Variants in TBC1D2B observed in about 807,000 individuals in gnomAD.
TBC1D2B encodes TBC1 domain family member 2B, also known as TBC1 domain family, member 2B.
A neutral mutation model predicts 100.8 loss-of-function variants in TBC1D2B; 64 were observed. That is an observed-to-expected ratio of 0.64 (90% CI 0.52 to 0.78). TBC1D2B has a LOEUF of 0.78. Ranked by LOEUF, TBC1D2B falls within the 30% of genes least tolerant of loss-of-function variation. TBC1D2B has a pLI of 0.00. For missense variants in TBC1D2B, 1,052 were observed against 1,218.4 expected (o/e 0.86, Z 2.03); for synonymous variants, 480 against 479.7 (o/e 1.00, Z -0.01).
At chr15:78,015,108 G>A (rs2072335815) in intron 8 of TBC1D2B, among the ~76,000 whole-genome samples, 1 of 152,186 alleles carries the variant, frequency 6.6e-6, no homozygotes, top group Non-Finnish European at 1.5e-5. Context: ...GGCTGAGGCA[G>A]GAGAATGGCG....
rs981433624 is a variant in TBC1D2B, at chr15:78,025,645, G to C, written c.848-148C>G. 5 of 511,922 alleles carry C rather than the reference G, an allele frequency of 9.8e-6. No homozygotes were observed. In the African/African-American group the frequency reaches 1.0e-4, roughly 10 times the overall value. 31.7% of individuals were successfully genotyped at this position (511,922 alleles called of 1,614,324 possible). On this transcript the variant is annotated intron_variant, in intron 4 of 12. Transcript: ENST00000300584. ...AGGTTCATGCCATTCTCCTGCCTCA[G>C]CCTCCCGAGTAGCTGGGACTACAAG... is the stretch of plus-strand genomic sequence containing the variant.
At chr15:78,072,802 G>A (rs2031515271) in intron 1 of TBC1D2B, among the ~76,000 whole-genome samples, 1 of 152,130 alleles carries the variant, frequency 6.6e-6, no homozygotes, top group African/African-American at 2.4e-5. Flanking sequence ...TCAGATTCCA[G>A]TAAAGCTCTG....
intron 2 of TBC1D2B, among the ~76,000 whole-genome samples, chr15:78,048,023 G>A (rs535505034): frequency 6.6e-6 from 1 of 152,326 alleles, no homozygotes; most frequent in Admixed American, 6.5e-5. Context: ...GTAGCAAGGT[G>A]ATGAACGGCC....
intron 3 of TBC1D2B, among the ~76,000 whole-genome samples, chr15:78,033,760 A>G (rs537196351): frequency 2.0e-5 from 3 of 152,278 alleles, no homozygotes; most frequent in Admixed American, 2.0e-4. Flanking sequence ...GAAAGGGGGG[A>G]AAAGGTGGCT....
chr15:78,024,635 T>A (rs1343014037), intron 5 of TBC1D2B, 96 bp from the exon 6 acceptor site: 17 of 1,196,248 alleles, frequency 1.4e-5, no homozygotes, highest in Non-Finnish European at 1.8e-5. Context: ...TCGACAGAGT[T>A]TGAGGAAATG....
At position 77,998,166 on chromosome 15, in the gene TBC1D2B, A is replaced by G. The variant is rs2071812261; in HGVS notation, c.2886T>C (p.Asp962=). The G allele has an allele frequency of 6.5e-7, 1 of 1,534,148 alleles. No individual in the cohort carries two copies. The highest frequency in any genetic ancestry group is 1.2e-5 in the South Asian group (1 of 82,458). ...KGELVSDEEE[D]T Reference sequence around the variant, plus strand: ...AGCAGCATCCCGAGCCCACTCAGGTATCCTCCTCCTCGTCACTGACCAGCT... The same window carrying G: ...AGCAGCATCCCGAGCCCACTCAGGTGTCCTCCTCCTCGTCACTGACCAGCT... The change falls in exon 13 of 13, where the codon GAT becomes GAC. Residue 962 remains aspartate, a synonymous_variant. Transcript: ENST00000300584.
intron 3 of TBC1D2B, among the ~76,000 whole-genome samples, chr15:78,030,987 C>A (rs2072793741): frequency 6.6e-6 from 1 of 152,118 alleles, no homozygotes; most frequent in South Asian, 2.1e-4. Context: ...CAAAACACAG[C>A]AAGATTATTA....
At chr15:78,074,471 T>C (rs1388100118) in intron 1 of TBC1D2B, among the ~76,000 whole-genome samples, 1 of 152,236 alleles carries the variant, frequency 6.6e-6, no homozygotes, top group Non-Finnish European at 1.5e-5. Context: ...GAAAATGTAT[T>C]TCCTTTCTTT....
At chr15:78,008,541 C>T (rs925106610) in intron 10 of TBC1D2B, among the ~76,000 whole-genome samples, 22 of 152,244 alleles carry the variant, frequency 1.4e-4, no homozygotes, top group Admixed American at 6.5e-5. Context: ...CCCCATCCTC[C>T]TCCCTTCCTG....
chr15:78,064,488 G>C (rs1269638429), intron 1 of TBC1D2B, among the ~76,000 whole-genome samples: 1 of 152,168 alleles, frequency 6.6e-6, no homozygotes, highest in Non-Finnish European at 1.5e-5. Flanking sequence ...AAAAGAATGC[G>C]ATGGCTGCTC....
Position 78,044,899 on chromosome 15 carries a change from CTTGAGCTCA to C in TBC1D2B, c.675_683del (p.Asn225_Leu227del). ...TCATATGCTGCTTTCTAAAGACTCA[CTTGAGCTCA>C]TTGCCCCACTGTTTCAAAGAGTAAA... On this transcript the variant is annotated inframe_deletion and splice_region_variant, in exon 3 of 13. Coordinates refer to ENST00000300584, the MANE Select transcript of TBC1D2B (RefSeq NM_144572.2). 6.2e-7 allele frequency: 1 copy of C among 1,607,124 alleles called. No individual in the cohort carries two copies. Among genetic ancestry groups the C allele is most frequent in the Non-Finnish European group, 8.5e-7 (1 of 1,175,682 alleles).
rs987588203 is a variant in TBC1D2B, at chr15:78,045,995, G to A, written c.515-927C>T. Reference sequence around the variant, plus strand: ...TGCCCAGGACAGAATGCAATGGCGCGGTCTCGGCTCACTGCAACCTCCTCC... The same window carrying A: ...TGCCCAGGACAGAATGCAATGGCGCAGTCTCGGCTCACTGCAACCTCCTCC... On this transcript the variant is annotated intron_variant, in intron 2 of 12. Coordinates refer to ENST00000300584, the MANE Select transcript of TBC1D2B (RefSeq NM_144572.2). Among the ~76,000 whole-genome samples, 4 of 152,066 alleles carry A rather than the reference G, an allele frequency of 2.6e-5. No homozygotes were observed. In the East Asian group the frequency reaches 5.8e-4, roughly 22 times the overall value.
chr15:77,998,847 C>T (rs2071836233), intron 12 of TBC1D2B: 1 of 170,380 alleles, frequency 5.9e-6, no homozygotes. Context: ...CCCAGGCAGT[C>T]CTGGCGATGA....
chr15:78,051,138 G>A (rs959626715), intron 2 of TBC1D2B, among the ~76,000 whole-genome samples: 2 of 152,182 alleles, frequency 1.3e-5, no homozygotes, highest in African/African-American at 2.4e-5. Context: ...GAGTAGCTAT[G>A]CCAGCCACAA....
chr15:78,002,585 T>C (rs1019373064), intron 11 of TBC1D2B: 2 of 152,162 alleles, frequency 1.3e-5, no homozygotes, highest in African/African-American at 4.8e-5. Context: ...ACAAACTGCT[T>C]TCCCCATATC....
At chr15:78,042,172 G>A (rs2073104895) in intron 3 of TBC1D2B, among the ~76,000 whole-genome samples, 1 of 152,140 alleles carries the variant, frequency 6.6e-6, no homozygotes, top group Admixed American at 6.5e-5. Context: ...CACTTTCCTA[G>A]GCAGGAGGCA....
intron 2 of TBC1D2B, among the ~76,000 whole-genome samples, chr15:78,048,169 G>A (rs1286236229): frequency 6.6e-6 from 1 of 152,232 alleles, no homozygotes; most frequent in Non-Finnish European, 1.5e-5. Context: ...GAGGGGTGGA[G>A]AAAAGGGACC....
Position 78,033,002 on chromosome 15 carries a change from A to C in TBC1D2B, c.684-2832T>G, listed in dbSNP as rs148238298. On this transcript the variant is annotated intron_variant, in intron 3 of 12. Transcript: ENST00000300584. ...TAAACCATCAATCCACAGACAAAAG[A>C]AGCTCAACAAACTTCAAGCACAAAA... 7.8e-3 allele frequency among the ~76,000 whole-genome samples: 1,188 copies of C among 152,328 alleles called. 22 individuals carry two copies. The highest frequency in any genetic ancestry group is 0.027 in the African/African-American group (1,108 of 41,566).
At chr15:78,008,261 C>G (rs2072122277) in intron 10 of TBC1D2B, among the ~76,000 whole-genome samples, 1 of 152,248 alleles carries the variant, frequency 6.6e-6, no homozygotes, top group African/African-American at 2.4e-5. Context: ...GCCCTGGCCC[C>G]TGGCGTCAGA....
Sources: allele counts gnomAD v4.1 joint callset (sites outside exome capture counted in the v4.1 genomes callset), GRCh38; gene constraint gnomAD v4.1.1; transcripts MANE v1.5; gene names NCBI Gene and HGNC (gene_info 2026-07-23, HGNC 2026-07-21).